SYNDIG1: variants seen among roughly 807,000 people sequenced by gnomAD.
SYNDIG1 encodes the protein synapse differentiation inducing 1.
In SYNDIG1, 9 loss-of-function variants were observed where a neutral mutation model predicts 19.4. The ratio of observed to expected loss-of-function variants is 0.46; its 90% CI spans 0.28 to 0.81. The LOEUF (loss-of-function observed/expected upper bound fraction) is 0.81. Among genes scored for constraint, SYNDIG1 ranks in the 30% least tolerant of loss-of-function variants. The pLI, the probability that SYNDIG1 is intolerant of heterozygous loss-of-function variation, is 0.12. For synonymous variants in SYNDIG1, 141 were observed against 145.9 expected, an observed-to-expected ratio of 0.97 and a Z score of 0.24; for missense variants, 311 against 343.3, an observed-to-expected ratio of 0.91 and a Z score of 0.74.
chr20:24,606,093 C>T (rs2147148361), intron 3 of SYNDIG1, among the ~76,000 whole-genome samples: 1 of 152,374 alleles, frequency 6.6e-6, no homozygotes, highest in South Asian at 2.1e-4. Context: ...CTATCTGTGG[C>T]CATTTCTGTG....
intron 2 of SYNDIG1, among the ~76,000 whole-genome samples, chr20:24,564,746 G>A (rs1250924977): frequency 2.0e-5 from 3 of 151,308 alleles, no homozygotes; most frequent in Non-Finnish European, 2.9e-5. Flanking sequence ...TGAGAAGGAG[G>A]CCCCCACTGT....
intron 1 of SYNDIG1, among the ~76,000 whole-genome samples, chr20:24,487,478 C>T (rs2056001021): frequency 6.6e-6 from 1 of 152,108 alleles, no homozygotes; most frequent in South Asian, 2.1e-4. Flanking sequence ...TGCTCTGGTT[C>T]CTCCATCTCT....
chr20:24,554,420 A>C (rs934967939), intron 2 of SYNDIG1, among the ~76,000 whole-genome samples: 1 of 152,230 alleles, frequency 6.6e-6, no homozygotes, highest in Non-Finnish European at 1.5e-5. Context: ...TTGCCCATTC[A>C]GTATGATATT....
intron 3 of SYNDIG1, among the ~76,000 whole-genome samples, chr20:24,599,079 C>T (rs1457723295): frequency 1.3e-5 from 2 of 152,068 alleles, no homozygotes; most frequent in East Asian, 3.8e-4. Flanking sequence ...AAAATATTTG[C>T]AAACTAGACA....
At chr20:24,523,820 C>T (rs1036565280) in intron 1 of SYNDIG1, among the ~76,000 whole-genome samples, 1 of 152,174 alleles carries the variant, frequency 6.6e-6, no homozygotes, top group Non-Finnish European at 1.5e-5. Flanking sequence ...TGTGCATGCG[C>T]GCTGCCGTTC....
At chr20:24,659,895 A>G (rs2059567232) in intron 3 of SYNDIG1, among the ~76,000 whole-genome samples, 1 of 152,180 alleles carries the variant, frequency 6.6e-6, no homozygotes, top group East Asian at 1.9e-4. Context: ...TCATTTAATT[A>G]TTGATAGAAT....
intron 3 of SYNDIG1, among the ~76,000 whole-genome samples, chr20:24,634,608 C>A (rs542280253): frequency 6.6e-6 from 1 of 152,348 alleles, no homozygotes; most frequent in African/African-American, 2.4e-5. Flanking sequence ...TCATTGGTTA[C>A]TATAAAGCTG....
chr20:24,530,460 A>C (rs1486394083), intron 1 of SYNDIG1, among the ~76,000 whole-genome samples: 2 of 151,942 alleles, frequency 1.3e-5, no homozygotes, highest in South Asian at 4.2e-4. Context: ...TGTTTCATTA[A>C]CTCTCTCCAC....
intron 1 of SYNDIG1, among the ~76,000 whole-genome samples, chr20:24,528,456 C>A (rs2057173019): frequency 6.6e-6 from 1 of 152,178 alleles, no homozygotes; most frequent in Non-Finnish European, 1.5e-5. Flanking sequence ...TCACACAGTT[C>A]TGAAGGCCGG....
At chr20:24,519,742 T>C (rs551672982) in intron 1 of SYNDIG1, among the ~76,000 whole-genome samples, 8 of 152,216 alleles carry the variant, frequency 5.3e-5, no homozygotes, top group East Asian at 3.9e-4. Context: ...CCTCAGTGCA[T>C]AGTGGATTTT....
intron 3 of SYNDIG1, among the ~76,000 whole-genome samples, chr20:24,624,836 A>T (rs1353085204): frequency 3.9e-5 from 6 of 152,226 alleles, no homozygotes; most frequent in Admixed American, 3.9e-4. Flanking sequence ...CAGTAGAGAA[A>T]ATAAAAAGTA....
intron 1 of SYNDIG1, among the ~76,000 whole-genome samples, chr20:24,538,469 G>C (rs1311035290): frequency 2.1e-5 from 2 of 93,556 alleles, no homozygotes; most frequent in East Asian, 7.3e-4. Context: ...ATACTCCATT[G>C]AATGTAGATA....
In SYNDIG1 at chr20:24,554,144, T is replaced by C. The variant is rs369308503; in HGVS notation, c.480+10567T>C. On this transcript the variant is annotated intron_variant, in intron 2 of 3. Coordinates refer to ENST00000376862, the MANE Select transcript of SYNDIG1 (RefSeq NM_024893.3). ...TGTATAAGAATGCTTGTGATTTTTGTACATTGATTTTGTATCCTGAGACTT... is the reference window on the plus strand; with the variant it reads ...TGTATAAGAATGCTTGTGATTTTTGCACATTGATTTTGTATCCTGAGACTT... Among the ~76,000 whole-genome samples, 11 of 152,186 alleles carry C rather than the reference T, an allele frequency of 7.2e-5. No individual in the cohort carries two copies. In the South Asian group the frequency reaches 1.0e-3, roughly 14 times the overall value.
intron 3 of SYNDIG1, among the ~76,000 whole-genome samples, chr20:24,645,897 G>A (rs2059418266): frequency 6.6e-6 from 1 of 152,200 alleles, no homozygotes; most frequent in African/African-American, 2.4e-5. Flanking sequence ...ACCTGGTGCT[G>A]GCCAGCTACA....
intron 3 of SYNDIG1, among the ~76,000 whole-genome samples, chr20:24,597,698 T>A (rs1197845104): frequency 6.6e-6 from 1 of 152,124 alleles, no homozygotes; most frequent in African/African-American, 2.4e-5. Context: ...AGAAGTGTGA[T>A]TCCAGGCCAG....
In SYNDIG1 at chr20:24,658,011, A is replaced by G. The variant is rs2059546247; in HGVS notation, c.619-7335A>G. Among the ~76,000 whole-genome samples the G allele has an allele frequency of 6.6e-6, 1 of 152,156 alleles. No homozygotes were observed. Among genetic ancestry groups the G allele is most frequent in the African/African-American group, 2.4e-5 (1 of 41,436 alleles). On this transcript the variant is annotated intron_variant, in intron 3 of 3. Coordinates refer to ENST00000376862, the MANE Select transcript of SYNDIG1 (RefSeq NM_024893.3). This position sits in a 1 kb window ranked among gnomAD's most constrained non-coding sequence, Gnocchi z 4.4. The stretch of plus-strand genomic sequence containing the variant: ...GAGGCAGGTGTCTGGCGAGGGCATA[A>G]CTGCTGAGGACCCCCAGCTGTGCTG...
At chr20:24,549,541 T>G (rs554528394) in intron 2 of SYNDIG1, among the ~76,000 whole-genome samples, 4 of 152,146 alleles carry the variant, frequency 2.6e-5, no homozygotes, top group Admixed American at 6.5e-5. Flanking sequence ...GAAGGGCAGG[T>G]GCAGAGGCTG....
chr20:24,599,800 A>C (rs1224117141), intron 3 of SYNDIG1, among the ~76,000 whole-genome samples: 1 of 152,232 alleles, frequency 6.6e-6, no homozygotes, highest in Non-Finnish European at 1.5e-5. Flanking sequence ...GGAGATAGAG[A>C]GTGGAAAGAT....
At chr20:24,554,748 T>C (rs1413113938) in intron 2 of SYNDIG1, among the ~76,000 whole-genome samples, 1 of 151,542 alleles carries the variant, frequency 6.6e-6, no homozygotes, top group Non-Finnish European at 1.5e-5. Flanking sequence ...TCATCAAGGA[T>C]ATTGGTCTAA....
Sources: allele counts gnomAD v4.1 joint callset (sites outside exome capture counted in the v4.1 genomes callset), GRCh38; gene constraint gnomAD v4.1.1; non-coding constraint Gnocchi (gnomAD v3.1); transcripts MANE v1.5; gene names NCBI Gene and HGNC (gene_info 2026-07-23, HGNC 2026-07-21).